The following SLC24A3 variants were observed in gnomAD, a reference collection of about 807,000 sequenced individuals.
SLC24A3 encodes solute carrier family 24 member 3.
In SLC24A3, 28 loss-of-function variants were observed where a neutral mutation model predicts 75.8. That is an observed-to-expected ratio of 0.37 (90% CI 0.27 to 0.51). The LOEUF (loss-of-function observed/expected upper bound fraction) is 0.51, where lower values mean the gene tolerates loss of function less well. Ranked by LOEUF, SLC24A3 falls within the 20% of genes least tolerant of loss-of-function variation. The pLI is 0.94. For synonymous variants in SLC24A3, 372 were observed against 334.1 expected, an observed-to-expected ratio of 1.11 and a Z score of -1.24; for missense variants, 663 against 847.8, an observed-to-expected ratio of 0.78 and a Z score of 2.71.
chr20:19,311,504 T>C (rs1378236132), intron 2 of SLC24A3, among the ~76,000 whole-genome samples: 2 of 152,040 alleles, frequency 1.3e-5, no homozygotes, highest in African/African-American at 4.8e-5. Flanking sequence ...TCCAGCTACA[T>C]CCACTCAGAG....
intron 7 of SLC24A3, among the ~76,000 whole-genome samples, chr20:19,655,395 CA>C (rs886714002): frequency 2.0e-5 from 3 of 149,816 alleles, no homozygotes; most frequent in African/African-American, 4.9e-5. Context: ...CTGGGCTGTC[CA>C]AAAAAAAAGG....
intron 2 of SLC24A3, among the ~76,000 whole-genome samples, chr20:19,434,504 G>T (rs1987160932): frequency 6.6e-6 from 1 of 152,150 alleles, no homozygotes; most frequent in Non-Finnish European, 1.5e-5. Flanking sequence ...TAGAACCCTG[G>T]TCTGCACTGT....
At chr20:19,677,811 G>A (rs1369464194) in intron 9 of SLC24A3, among the ~76,000 whole-genome samples, 1 of 151,178 alleles carries the variant, frequency 6.6e-6, no homozygotes. Context: ...AGATAAACAA[G>A]TGAACAAAGG....
intron 3 of SLC24A3, among the ~76,000 whole-genome samples, chr20:19,546,177 A>G (rs999918620): frequency 6.7e-5 from 10 of 149,776 alleles, no homozygotes; most frequent in South Asian, 2.1e-4. Flanking sequence ...AAAAAAAAAA[A>G]AAAAAAAAAA....
At chr20:19,338,438 C>T (rs578231495) in intron 2 of SLC24A3, among the ~76,000 whole-genome samples, 40 of 152,190 alleles carry the variant, frequency 2.6e-4, no homozygotes, top group Non-Finnish European at 4.4e-4. Context: ...ACTTCTCAGA[C>T]GTGTGGAACT....
intron 6 of SLC24A3, among the ~76,000 whole-genome samples, chr20:19,627,743 C>T (rs79745561): frequency 0.077 from 11,756 of 152,226 alleles, 617 homozygotes; most frequent in Non-Finnish European, 0.1. Context: ...GAAGAATGTT[C>T]TGTTGAGTGA....
intron 1 of SLC24A3, among the ~76,000 whole-genome samples, chr20:19,226,477 T>G (rs191652629): frequency 1.3e-5 from 2 of 152,184 alleles, no homozygotes; most frequent in Non-Finnish European, 2.9e-5. Flanking sequence ...GAAGAAACTA[T>G]GTACAATTGG....
intron 6 of SLC24A3, among the ~76,000 whole-genome samples, chr20:19,633,510 G>A (rs1259141571): frequency 6.6e-6 from 1 of 151,578 alleles, no homozygotes; most frequent in Non-Finnish European, 1.5e-5. Flanking sequence ...TTAGCCGGGC[G>A]TAGTGGCGGG....
intron 12 of SLC24A3, 195 bp from the exon 13 acceptor site, chr20:19,693,064 T>A (rs1335823633): frequency 2.0e-5 from 11 of 557,950 alleles, no homozygotes; most frequent in South Asian, 1.3e-4. Flanking sequence ...ATTTTTTTTT[T>A]AATTCTGTTT....
At chr20:19,675,535 G>GTCTACTCAAT (rs2032512372) in intron 9 of SLC24A3, among the ~76,000 whole-genome samples, 2 of 152,228 alleles carry the variant, frequency 1.3e-5, no homozygotes, top group South Asian at 4.1e-4. Context: ...TCTGCTGCCA[G>GTCTACTCAAT]TCTACTCAAT....
At chr20:19,339,668 C>T (rs1985223123) in intron 2 of SLC24A3, among the ~76,000 whole-genome samples, 1 of 152,140 alleles carries the variant, frequency 6.6e-6, no homozygotes, top group South Asian at 2.1e-4. Flanking sequence ...CCAAAGCTTC[C>T]AAGTTTGCCA....
At chr20:19,407,772 A>G (rs1169751779) in intron 2 of SLC24A3, among the ~76,000 whole-genome samples, 1 of 152,224 alleles carries the variant, frequency 6.6e-6, no homozygotes, top group Non-Finnish European at 1.5e-5. Flanking sequence ...GCAAGGACAT[A>G]TTGGCAATGG....
At chr20:19,417,250 G>C (rs1302304276) in intron 2 of SLC24A3, among the ~76,000 whole-genome samples, 10 of 152,154 alleles carry the variant, frequency 6.6e-5, no homozygotes. Flanking sequence ...AACATGATCA[G>C]ATTTGCAGTA....
At chr20:19,558,972 G>C (rs1290227775) in intron 3 of SLC24A3, among the ~76,000 whole-genome samples, 1 of 152,178 alleles carries the variant, frequency 6.6e-6, no homozygotes, top group Non-Finnish European at 1.5e-5. Context: ...AGTGTCTACA[G>C]ATTTTTCATT....
intron 6 of SLC24A3, among the ~76,000 whole-genome samples, chr20:19,630,808 C>A: frequency 6.6e-6 from 1 of 152,242 alleles, no homozygotes; most frequent in African/African-American, 2.4e-5. Context: ...CTAGAGCAGG[C>A]CAGGATGAAA....
chr20:19,396,881 A>G (rs1043183884), intron 2 of SLC24A3, among the ~76,000 whole-genome samples: 4 of 152,158 alleles, frequency 2.6e-5, no homozygotes, highest in African/African-American at 7.2e-5. Context: ...TGCCAACCTC[A>G]TGTGTGAATG....
At chr20:19,468,000 G>A (rs191059569) in intron 2 of SLC24A3, among the ~76,000 whole-genome samples, 49 of 152,238 alleles carry the variant, frequency 3.2e-4, no homozygotes, top group Admixed American at 7.2e-4. Flanking sequence ...AGCTTCCATA[G>A]GAAAGAGTGG....
At chr20:19,293,220 G>A (rs891440955) in intron 2 of SLC24A3, among the ~76,000 whole-genome samples, 4 of 152,148 alleles carry the variant, frequency 2.6e-5, no homozygotes, top group Non-Finnish European at 5.9e-5. Context: ...ATTAAATTGA[G>A]TTATTTAATA....
Position 19,505,264 on chromosome 20 carries a change from A to G in SLC24A3, c.272-10224A>G, listed in dbSNP as rs1180082916. 2.0e-5 allele frequency among the ~76,000 whole-genome samples: 3 copies of G among 152,206 alleles called. No individual in the cohort carries two copies. In the East Asian group the frequency reaches 5.8e-4, roughly 29 times the overall value. ...AGCATCATGAACAAGGAGCAAAGGC[A>G]GTTTCTCAATCTGCATTCAGGAGTG... On this transcript the variant is annotated intron_variant, in intron 2 of 16. Coordinates refer to ENST00000328041, the MANE Select transcript of SLC24A3 (RefSeq NM_020689.4).
Sources: allele counts gnomAD v4.1 joint callset (sites outside exome capture counted in the v4.1 genomes callset), GRCh38; gene constraint gnomAD v4.1.1; transcripts MANE v1.5; gene names NCBI Gene and HGNC (gene_info 2026-07-23, HGNC 2026-07-21).